Variants in IMMP2L observed in about 807,000 individuals in gnomAD.
The protein encoded by IMMP2L is mitochondrial inner membrane protease subunit 2.
Under a neutral mutation model 19.3 loss-of-function variants are expected in IMMP2L, and 18 were observed. The observed-to-expected ratio is 0.93, with a 90% confidence interval of 0.64 to 1.38. The LOEUF is 1.38. IMMP2L is among the 40% of genes most tolerant of loss of function. The pLI is 0.00. For missense variants in IMMP2L, 233 were observed against 218.2 expected, an observed-to-expected ratio of 1.07 and a Z score of -0.43; for synonymous variants, 76 against 73.0, an observed-to-expected ratio of 1.04 and a Z score of -0.21.
intron 5 of IMMP2L, among the ~76,000 whole-genome samples, chr7:110,852,794 A>C (rs1806369112): frequency 6.6e-6 from 1 of 152,180 alleles, no homozygotes; most frequent in South Asian, 2.1e-4. Context: ...AGAGAGCCCA[A>C]GTGGAGGCAT....
At chr7:110,750,563 A>C (rs886527908) in intron 5 of IMMP2L, among the ~76,000 whole-genome samples, 1 of 152,122 alleles carries the variant, frequency 6.6e-6, no homozygotes, top group Non-Finnish European at 1.5e-5. Flanking sequence ...CATAAATACC[A>C]AGAAAATAAT....
intron 3 of IMMP2L, among the ~76,000 whole-genome samples, chr7:111,241,467 A>G (rs1562961139): frequency 2.6e-5 from 4 of 151,960 alleles, no homozygotes; most frequent in Admixed American, 1.3e-4. Flanking sequence ...CTGGCTCTAG[A>G]GCTTACAAAA....
intron 5 of IMMP2L, among the ~76,000 whole-genome samples, chr7:110,860,144 C>A (rs1476967595): frequency 1.3e-5 from 2 of 151,844 alleles, no homozygotes; most frequent in Admixed American, 1.3e-4. Context: ...AACTGTGGGG[C>A]AGCATTATAT....
At position 110,852,486 on chromosome 7, in the gene IMMP2L, CAAATTAGA is replaced by C. The variant is rs1441415564; in HGVS notation, c.408+34099_408+34106del. Among the ~76,000 whole-genome samples, 12 of 152,110 alleles carry C rather than the reference CAAATTAGA, an allele frequency of 7.9e-5. No homozygotes were observed. In the East Asian group the frequency reaches 2.3e-3, roughly 30 times the overall value. On this transcript the variant is annotated intron_variant, in intron 5 of 5. Transcript: ENST00000405709. The stretch of plus-strand genomic sequence containing the variant: ...GGGTGCATTATAAAACAGAAATCCC[CAAATTAGA>C]AAATTTTTGATCTTCTATAGGGCTG...
chr7:111,381,762 G>GTTCA (rs925957136), intron 3 of IMMP2L, among the ~76,000 whole-genome samples: 3 of 151,842 alleles, frequency 2.0e-5, no homozygotes, highest in South Asian at 2.1e-4. Flanking sequence ...GAAGGCATTT[G>GTTCA]TTCATTCATT....
At chr7:111,183,522 A>C (rs1349481488) in intron 3 of IMMP2L, among the ~76,000 whole-genome samples, 1 of 152,022 alleles carries the variant, frequency 6.6e-6, no homozygotes, top group African/African-American at 2.4e-5. Context: ...ATCATTTCAG[A>C]TCTTACACTG....
chr7:111,505,712 T>C (rs578137666), intron 2 of IMMP2L, among the ~76,000 whole-genome samples: 2 of 151,998 alleles, frequency 1.3e-5, no homozygotes, highest in East Asian at 1.9e-4. Context: ...CAGCAAACTA[T>C]TGCAAGAACA....
intron 3 of IMMP2L, among the ~76,000 whole-genome samples, chr7:111,269,255 G>A (rs559483002): frequency 6.6e-6 from 1 of 152,240 alleles, no homozygotes; most frequent in East Asian, 1.9e-4. Context: ...ACAAATACCA[G>A]TCTTTTTCAT....
intron 5 of IMMP2L, among the ~76,000 whole-genome samples, chr7:110,703,895 G>C (rs1794462667): frequency 6.6e-6 from 1 of 151,796 alleles, no homozygotes; most frequent in African/African-American, 2.4e-5. Context: ...GCCCAGGCTG[G>C]AGTGCAGTGG....
chr7:110,701,516 G>T (rs1794288107), intron 5 of IMMP2L, among the ~76,000 whole-genome samples: 1 of 151,982 alleles, frequency 6.6e-6, no homozygotes, highest in Admixed American at 6.6e-5. Flanking sequence ...TGCCTCCCAG[G>T]TTCGAGCGAT....
intron 3 of IMMP2L, among the ~76,000 whole-genome samples, chr7:111,254,025 G>A (rs1173750679): frequency 6.6e-6 from 1 of 152,082 alleles, no homozygotes; most frequent in Non-Finnish European, 1.5e-5. Context: ...ACTCCACATA[G>A]TGCAAGGCCA....
intron 2 of IMMP2L, chr7:111,492,456 C>A (rs756024419): frequency 1.8e-4 from 159 of 881,230 alleles, no homozygotes; most frequent in Non-Finnish European, 2.1e-4. Flanking sequence ...TTTTTCCCCA[C>A]TTGGAAACTT....
At chr7:111,462,376 T>C (rs1279046509) in intron 3 of IMMP2L, among the ~76,000 whole-genome samples, 1 of 152,116 alleles carries the variant, frequency 6.6e-6, no homozygotes, top group East Asian at 1.9e-4. Context: ...TGCCTCATAT[T>C]AACAAGAAAA....
chr7:111,009,167 T>A (rs961763072), intron 3 of IMMP2L, among the ~76,000 whole-genome samples: 1 of 152,088 alleles, frequency 6.6e-6, no homozygotes, highest in Non-Finnish European at 1.5e-5. Flanking sequence ...CTAAAAGCGA[T>A]TTAAAAACTT....
intron 3 of IMMP2L, among the ~76,000 whole-genome samples, chr7:111,087,945 G>A (rs917556275): frequency 2.4e-4 from 36 of 152,128 alleles, no homozygotes; most frequent in South Asian, 8.3e-4. Context: ...ACAATTCTAG[G>A]AGAAAAATGA....
At chr7:110,888,189 A>G (rs1356444097) in intron 4 of IMMP2L, among the ~76,000 whole-genome samples, 1 of 152,170 alleles carries the variant, frequency 6.6e-6, no homozygotes, top group Non-Finnish European at 1.5e-5. Flanking sequence ...CTTTTTAAAG[A>G]AAAGTGAAAA....
At chr7:111,468,805 C>G (rs1035069036) in intron 3 of IMMP2L, among the ~76,000 whole-genome samples, 1 of 152,022 alleles carries the variant, frequency 6.6e-6, no homozygotes, top group Admixed American at 6.6e-5. Context: ...GACTCTGTGT[C>G]TAACTGGATA....
At chr7:111,409,142 ATGTTTTTGTG>A (rs1834150190) in intron 3 of IMMP2L, among the ~76,000 whole-genome samples, 1 of 151,748 alleles carries the variant, frequency 6.6e-6, no homozygotes, top group African/African-American at 2.4e-5. Flanking sequence ...GTTCCAAATA[ATGTTTTTGTG>A]TATTGATTAC....
At chr7:110,905,660 G>T (rs188263991) in intron 4 of IMMP2L, among the ~76,000 whole-genome samples, 43 of 152,270 alleles carry the variant, frequency 2.8e-4, no homozygotes, top group African/African-American at 9.9e-4. Flanking sequence ...TACATCGTAG[G>T]TTAATATTAG....
Sources: gnomAD v4.1 joint callset for allele counts (sites outside exome capture counted in the v4.1 genomes callset) on GRCh38, gnomAD v4.1.1 for gene constraint, MANE v1.5 for transcripts, NCBI Gene and HGNC (gene_info 2026-07-23, HGNC 2026-07-21) for gene names.